ATG7: variants seen among roughly 807,000 people sequenced by gnomAD.
The protein encoded by ATG7 is ubiquitin-like modifier-activating enzyme ATG7.
Under a neutral mutation model 82.4 loss-of-function variants are expected in ATG7, and 70 were observed. The ratio of observed to expected loss-of-function variants is 0.85; its 90% CI spans 0.70 to 1.04. The LOEUF is 1.04. Ranked by LOEUF, ATG7 falls within the 50% of genes least tolerant of loss-of-function variation. The probability of loss-of-function intolerance (pLI) is 0.00; values close to 1 mark genes in which losing one functional copy is unlikely to be tolerated. For missense variants in ATG7, 792 were observed against 864.3 expected (o/e 0.92, Z 1.05); for synonymous variants, 287 against 313.0 (o/e 0.92, Z 0.88).
chr3:11,391,803 G>A (rs2078821696), intron 19 of ATG7, among the ~76,000 whole-genome samples: 2 of 152,136 alleles, frequency 1.3e-5, no homozygotes, highest in South Asian at 4.1e-4. Flanking sequence ...TAGCAAGAGC[G>A]CTTCCCAGTC....
intron 20 of ATG7, among the ~76,000 whole-genome samples, chr3:11,509,262 C>A (rs1435233746): frequency 1.3e-5 from 2 of 152,178 alleles, no homozygotes; most frequent in Non-Finnish European, 2.9e-5. Flanking sequence ...TGGTTGGCTG[C>A]TGCCGGCAGG....
At chr3:11,355,153 A>AAC (rs1417833655) in intron 14 of ATG7, among the ~76,000 whole-genome samples, 11 of 152,204 alleles carry the variant, frequency 7.2e-5, no homozygotes, top group Non-Finnish European at 1.5e-4. Context: ...ACCAGGCAAA[A>AAC]ACACACTACC....
intron 20 of ATG7, among the ~76,000 whole-genome samples, chr3:11,500,854 C>T (rs1250740649): frequency 6.6e-6 from 1 of 152,210 alleles, no homozygotes; most frequent in East Asian, 1.9e-4. Flanking sequence ...TGTTCTCGAT[C>T]TCCTGACCTT....
At chr3:11,290,947 G>T (rs570186801) in intron 3 of ATG7, among the ~76,000 whole-genome samples, 7 of 152,258 alleles carry the variant, frequency 4.6e-5, no homozygotes, top group East Asian at 3.9e-4. Flanking sequence ...CCTCCAAAGT[G>T]CTGGGATTAC....
At chr3:11,467,607 C>T (rs1018939423) in intron 20 of ATG7, among the ~76,000 whole-genome samples, 2 of 152,182 alleles carry the variant, frequency 1.3e-5, no homozygotes, top group African/African-American at 4.8e-5. Flanking sequence ...AACTCCTGAC[C>T]TCAGGTAATC....
chr3:11,306,853 C>A, intron 5 of ATG7, 90 bp from the exon 6 acceptor site: 2 of 920,114 alleles, frequency 2.2e-6, no homozygotes, highest in Non-Finnish European at 3.5e-6. Flanking sequence ...AGAGCAATAC[C>A]CTTTTTATCC....
intron 9 of ATG7, among the ~76,000 whole-genome samples, chr3:11,329,977 C>T (rs1043785852): frequency 7.9e-5 from 12 of 151,948 alleles, no homozygotes; most frequent in Non-Finnish European, 1.6e-4. Flanking sequence ...TTTTTGATGA[C>T]CTTGACATTT....
intron 20 of ATG7, among the ~76,000 whole-genome samples, chr3:11,430,428 A>T (rs1377520700): frequency 6.6e-6 from 1 of 152,212 alleles, no homozygotes; most frequent in Non-Finnish European, 1.5e-5. Flanking sequence ...AAAAACACAG[A>T]ATTCTGCATT....
At chr3:11,276,817 C>T (rs749386730) in intron 1 of ATG7, among the ~76,000 whole-genome samples, 69 of 152,178 alleles carry the variant, frequency 4.5e-4, no homozygotes, top group Non-Finnish European at 9.7e-4. Context: ...TCTTTTCAAC[C>T]GCAGCTTCAA....
chr3:11,387,571 A>G (rs2078416281), intron 19 of ATG7, among the ~76,000 whole-genome samples: 1 of 152,226 alleles, frequency 6.6e-6, no homozygotes, highest in Non-Finnish European at 1.5e-5. Context: ...TTAGTTTGGA[A>G]TTAATCTCAT....
intron 18 of ATG7, among the ~76,000 whole-genome samples, chr3:11,369,724 C>A (rs532104635): frequency 6.6e-6 from 1 of 151,110 alleles, no homozygotes; most frequent in Non-Finnish European, 1.5e-5. Flanking sequence ...ATAATGTCAG[C>A]GTTCAGAAGC....
chr3:11,308,977 C>T lies in ATG7; in HGVS notation c.334-7C>T, dbSNP rs1470735355. 1.2e-6 allele frequency: 2 copies of T among 1,612,366 alleles called. No homozygotes were observed. Among genetic ancestry groups the T allele is most frequent in the Admixed American group, 1.7e-5 (1 of 60,024 alleles). On this transcript the variant is annotated splice_region_variant and splice_polypyrimidine_tract_variant and intron_variant, in intron 6 of 20. Coordinates refer to ENST00000693202, the MANE Select transcript of ATG7 (RefSeq NM_001349232.2). The stretch of plus-strand genomic sequence containing the variant: ...AACCTGCCTTGATGCTTTTCTTCTT[C>T]TTGCAGATATGGGAATCCATAAAAT...
chr3:11,351,381 G>C (rs2075531591), intron 14 of ATG7, among the ~76,000 whole-genome samples: 1 of 152,232 alleles, frequency 6.6e-6, no homozygotes, highest in Non-Finnish European at 1.5e-5. Flanking sequence ...TGAAGGATGA[G>C]TGGGAGTTAG....
At chr3:11,448,071 GATTTGTCCC>G (rs1351262710) in intron 20 of ATG7, among the ~76,000 whole-genome samples, 1 of 152,172 alleles carries the variant, frequency 6.6e-6, no homozygotes, top group Non-Finnish European at 1.5e-5. Flanking sequence ...CCAGTCCCCA[GATTTGTCCC>G]CAAGCTTGAC....
chr3:11,549,485 C>T (rs1039674006), intron 20 of ATG7, among the ~76,000 whole-genome samples: 4 of 152,154 alleles, frequency 2.6e-5, no homozygotes, highest in African/African-American at 9.7e-5. Flanking sequence ...TTGTACCCCT[C>T]GTACCCTTCG....
At chr3:11,415,433 T>A (rs748882528) in intron 19 of ATG7, among the ~76,000 whole-genome samples, 4 of 152,372 alleles carry the variant, frequency 2.6e-5, no homozygotes, top group Non-Finnish European at 4.4e-5. Flanking sequence ...ACTTTATAAA[T>A]GTTTTGATTA....
intron 9 of ATG7, among the ~76,000 whole-genome samples, chr3:11,319,989 T>G (rs763223834): frequency 2.6e-5 from 4 of 152,204 alleles, no homozygotes; most frequent in Admixed American, 6.5e-5. Context: ...CCTGAATGTC[T>G]TCTTCCCTGT....
rs191601681 is a variant in ATG7, at chr3:11,528,039, G to A, written c.2080-26772G>A. 1.1e-3 allele frequency among the ~76,000 whole-genome samples: 170 copies of A among 152,294 alleles called. 2 individuals are homozygous for A. Among genetic ancestry groups the A allele is most frequent in the African/African-American group, 3.9e-3 (161 of 41,566 alleles). On this transcript the variant is annotated intron_variant, in intron 20 of 20. Coordinates refer to ENST00000693202, the MANE Select transcript of ATG7 (RefSeq NM_001349232.2). ...TGCCTGTTACTTGAAGATCACCCAC[G>A]TGTGGTCCCTTCTGCTTCAATTGTG... is the stretch of plus-strand genomic sequence containing the variant.
chr3:11,450,551 C>T (rs994546747), intron 20 of ATG7, among the ~76,000 whole-genome samples: 1 of 152,198 alleles, frequency 6.6e-6, no homozygotes, highest in South Asian at 2.1e-4. Context: ...TTTTGTCTAC[C>T]ATTCTCCATA....
Sources: gnomAD v4.1 joint callset for allele counts (sites outside exome capture counted in the v4.1 genomes callset) on GRCh38, gnomAD v4.1.1 for gene constraint, MANE v1.5 for transcripts, NCBI Gene and HGNC (gene_info 2026-07-23, HGNC 2026-07-21) for gene names.